Variants in METTL15 observed in about 807,000 individuals in gnomAD.
METTL15 encodes 12S rRNA N(4)-cytidine methyltransferase METTL15.
A neutral mutation model predicts 38.3 loss-of-function variants in METTL15; 34 were observed. That is an observed-to-expected ratio of 0.89 (90% CI 0.68 to 1.18). The LOEUF (loss-of-function observed/expected upper bound fraction) is 1.18. Among genes scored for constraint, METTL15 ranks in the 50% most tolerant of loss-of-function variants. METTL15 has a pLI of 0.00. For synonymous variants in METTL15, 162 were observed against 170.9 expected (o/e 0.95, Z 0.41); for missense variants, 438 against 498.4 (o/e 0.88, Z 1.15).
chr11:28,271,525 A>G (rs942910140), intron 4 of METTL15, among the ~76,000 whole-genome samples: 13 of 152,180 alleles, frequency 8.5e-5, no homozygotes, highest in Non-Finnish European at 1.0e-4. Flanking sequence ...AACGATCCAC[A>G]CTGGTGACAA....
At chr11:28,197,861 T>C (rs989115141) in intron 3 of METTL15, among the ~76,000 whole-genome samples, 3 of 152,072 alleles carry the variant, frequency 2.0e-5, no homozygotes, top group African/African-American at 7.2e-5. Flanking sequence ...TAATTATTGC[T>C]TATGAGAAGA....
chr11:28,306,082 C>G (rs1011904128), intron 6 of METTL15, among the ~76,000 whole-genome samples: 1 of 152,044 alleles, frequency 6.6e-6, no homozygotes, highest in Non-Finnish European at 1.5e-5. Context: ...TGACCTTGAG[C>G]TGGGTCAGAT....
In METTL15 at chr11:28,401,975, A is replaced by G. The variant is rs536514541; in HGVS notation, c.*359-22324A>G. 5.3e-5 allele frequency among the ~76,000 whole-genome samples: 8 copies of G among 152,148 alleles called. No individual in the cohort carries two copies. In the South Asian group the frequency reaches 1.7e-3, roughly 32 times the overall value. ...CCTTGTCAGTGAATGTAAAATTAACATAAAAACTCTCACCTAAAGCAAGCA... is the reference window on the plus strand; with the variant it reads ...CCTTGTCAGTGAATGTAAAATTAACGTAAAAACTCTCACCTAAAGCAAGCA... On this transcript the variant is annotated intron_variant and NMD_transcript_variant, in intron 5 of 7. Coordinates refer to the METTL15 transcript ENST00000532947.
At chr11:28,357,345 T>C (rs4363578) in intron 4 of METTL15, among the ~76,000 whole-genome samples, 151,300 of 152,304 alleles carry the variant, frequency 0.99, 75,162 homozygotes, top group Middle Eastern at 1. Flanking sequence ...ATGTGCTTGA[T>C]ACATAAATAT....
chr11:28,425,197 G>T (rs1850853489), intron 6 of METTL15, among the ~76,000 whole-genome samples: 1 of 152,118 alleles, frequency 6.6e-6, no homozygotes, highest in Non-Finnish European at 1.5e-5. Context: ...TTGGTTTTCT[G>T]TCCATCAATC....
At chr11:28,250,784 C>G (rs761584879) in intron 4 of METTL15, among the ~76,000 whole-genome samples, 14 of 152,026 alleles carry the variant, frequency 9.2e-5, no homozygotes, top group Non-Finnish European at 2.1e-4. Context: ...CATCTTCTCT[C>G]TTGTTATCAG....
At chr11:28,134,188 G>T (rs1338531868) in intron 3 of METTL15, among the ~76,000 whole-genome samples, 1 of 152,136 alleles carries the variant, frequency 6.6e-6, no homozygotes, top group Non-Finnish European at 1.5e-5. Flanking sequence ...ATAGCCACGT[G>T]GACATTGAAG....
At chr11:28,497,740 CAA>C (rs1851547781) in intron 6 of METTL15, among the ~76,000 whole-genome samples, 1 of 152,100 alleles carries the variant, frequency 6.6e-6, no homozygotes, top group South Asian at 2.1e-4. Context: ...GCAAGAGAGG[CAA>C]AGTCTCTCTG....
chr11:28,406,662 C>T (rs1311122073), intron 5 of METTL15, among the ~76,000 whole-genome samples: 2 of 152,028 alleles, frequency 1.3e-5, no homozygotes, highest in African/African-American at 2.4e-5. Flanking sequence ...TCTTCCTGTT[C>T]GAATATGCTT....
chr11:28,137,793 T>A lies in METTL15; in HGVS notation c.270+24189T>A, dbSNP rs568869257. ...TAACAGGCATTACAGCTTTTATTTT[T>A]TTTTTTTCAAAAAATATTGGATCTA... On this transcript the variant is annotated intron_variant, in intron 3 of 6. Coordinates refer to ENST00000407364, the MANE Select transcript of METTL15 (RefSeq NM_001113528.2). Among the ~76,000 whole-genome samples, 52 of 152,334 alleles carry A rather than the reference T, an allele frequency of 3.4e-4. 1 individual carries two copies. In the East Asian group the frequency reaches 6.9e-3, roughly 20 times the overall value.
intron 4 of METTL15, among the ~76,000 whole-genome samples, chr11:28,352,976 T>C (rs1850055258): frequency 6.6e-6 from 1 of 152,196 alleles, no homozygotes; most frequent in Non-Finnish European, 1.5e-5. Context: ...GATATGAGTC[T>C]AGAAATTTTG....
At chr11:28,274,166 G>T (rs761537348) in intron 4 of METTL15, among the ~76,000 whole-genome samples, 7 of 151,794 alleles carry the variant, frequency 4.6e-5, no homozygotes, top group Non-Finnish European at 8.8e-5. Context: ...ATTAATTTGT[G>T]TTTACAGAAG....
intron 4 of METTL15, among the ~76,000 whole-genome samples, chr11:28,232,342 AATTATATAT>A (rs1179935143): frequency 2.0e-5 from 3 of 151,798 alleles, no homozygotes; most frequent in African/African-American, 4.8e-5. Context: ...TCTATATGGG[AATTATATAT>A]ATTATCACTA....
intron 4 of METTL15, among the ~76,000 whole-genome samples, chr11:28,359,795 C>T (rs1012183304): frequency 6.6e-6 from 1 of 152,146 alleles, no homozygotes; most frequent in African/African-American, 2.4e-5. Flanking sequence ...AATAATAACT[C>T]TGGTAAGGTT....
intron 3 of METTL15, among the ~76,000 whole-genome samples, chr11:28,165,543 GT>G (rs1299857035): frequency 6.6e-6 from 1 of 151,874 alleles, no homozygotes; most frequent in South Asian, 2.1e-4. Flanking sequence ...TTGCTATTTA[GT>G]TTTTTGAGTT....
At chr11:28,181,693 T>C (rs1326601602) in intron 3 of METTL15, among the ~76,000 whole-genome samples, 2 of 146,542 alleles carry the variant, frequency 1.4e-5, no homozygotes, top group Non-Finnish European at 3.0e-5. Flanking sequence ...CCTTTGCTAA[T>C]GTGAATAGTG....
chr11:28,369,007 T>G (rs1348163991), intron 5 of METTL15, among the ~76,000 whole-genome samples: 1 of 151,146 alleles, frequency 6.6e-6, no homozygotes, highest in Non-Finnish European at 1.5e-5. Context: ...TGTCAGAGGG[T>G]GGGGAGCTAG....
chr11:28,432,025 T>C (rs903491181), intron 6 of METTL15, among the ~76,000 whole-genome samples: 5 of 152,088 alleles, frequency 3.3e-5, no homozygotes, highest in African/African-American at 1.2e-4. Context: ...CACCAGAGTG[T>C]GTAACTAAGG....
intron 3 of METTL15, among the ~76,000 whole-genome samples, chr11:28,207,334 G>A (rs559499951): frequency 1.3e-4 from 20 of 152,124 alleles, no homozygotes; most frequent in African/African-American, 4.6e-4. Flanking sequence ...GTTGAATTTT[G>A]TCAAAGGCCT....
Sources: gnomAD v4.1 joint callset for allele counts (sites outside exome capture counted in the v4.1 genomes callset) on GRCh38, gnomAD v4.1.1 for gene constraint, MANE v1.5 for transcripts, NCBI Gene and HGNC (gene_info 2026-07-23, HGNC 2026-07-21) for gene names.